Variants in SGO2 observed in about 807,000 individuals in gnomAD.
SGO2 encodes shugoshin-like 2.
A neutral mutation model predicts 99.5 loss-of-function variants in SGO2; 68 were observed. The observed-to-expected ratio is 0.68, with a 90% CI of 0.56 to 0.84. The LOEUF (loss-of-function observed/expected upper bound fraction) is 0.84, where lower values mean the gene tolerates loss of function less well. Ranked by LOEUF, SGO2 falls within the 40% of genes least tolerant of loss-of-function variation. The pLI, the probability that SGO2 is intolerant of heterozygous loss-of-function variation, is 0.00. For synonymous variants in SGO2, 457 were observed against 487.1 expected, an observed-to-expected ratio of 0.94 and a Z score of 0.81; for missense variants, 1,350 against 1,436.7, an observed-to-expected ratio of 0.94 and a Z score of 0.97.
At chr2:200,567,835 A>G (rs954155972) in intron 5 of SGO2, among the ~76,000 whole-genome samples, 3 of 152,226 alleles carry the variant, frequency 2.0e-5, no homozygotes, top group South Asian at 4.1e-4. Context: ...TGGATATACC[A>G]TGTTTTGTTT....
In SGO2 at chr2:200,534,993, C is replaced by T. The variant is rs1226344290; in HGVS notation, c.134-3C>T. ...TTAACTCATTTTAAAAATCTTTTTA[C>T]AGATAATTCTTCTATTTTCAAAATA... is the stretch of plus-strand genomic sequence containing the variant. On this transcript the variant is annotated splice_region_variant and splice_polypyrimidine_tract_variant and intron_variant, in intron 2 of 8. Transcript: ENST00000357799. 1.3e-6 allele frequency: 2 copies of T among 1,512,624 alleles called. No individual in the cohort carries two copies. The highest frequency in any genetic ancestry group is 2.7e-5 in the South Asian group (2 of 75,262). The allele number at this position is 1,512,624 out of a possible 1,614,324, so 93.7% of individuals were successfully genotyped here. A position where few individuals can be genotyped will look rare whatever the true frequency, so the allele number is the denominator to read the frequency against.
In SGO2 at chr2:200,535,021, T is replaced by G; in HGVS notation, c.159T>G (p.Ser53=). The stretch of plus-strand genomic sequence containing the variant: ...ATAATTCTTCTATTTTCAAAATATC[T>G]TTAAAGCACAACAACAGGGCATTAG... ...ILNNSSIFKI[S]LKHNNRALAQ... is the part of the protein sequence containing the mutation. Residue 53 remains serine, a synonymous_variant, in exon 3 of 9, where the codon TCT becomes TCG. Transcript: ENST00000357799. 1 of 1,533,922 alleles carries G rather than the reference T, an allele frequency of 6.5e-7. No homozygotes were observed. The highest frequency in any genetic ancestry group is 8.7e-7 in the Non-Finnish European group (1 of 1,153,042).
rs767983042 is a variant in SGO2 at position 200,535,007 on chromosome 2, A to G, written c.145A>G (p.Ile49Val). 4 of 1,526,876 alleles carry G rather than the reference A, an allele frequency of 2.6e-6. No individual in the cohort carries two copies. Among genetic ancestry groups the G allele is most frequent in the Admixed American group, 2.6e-5 (1 of 37,858 alleles). The allele number at this position is 1,526,876 out of a possible 1,614,324, so 94.6% of individuals were successfully genotyped here. A position where few individuals can be genotyped will look rare whatever the true frequency, so the allele number is the denominator to read the frequency against. Residue 49 changes from isoleucine to valine, a missense_variant, in exon 3 of 9, where the codon ATT becomes GTT. Coordinates refer to ENST00000357799, the MANE Select transcript of SGO2 (RefSeq NM_152524.6). ...AAATCTTTTTACAGATAATTCTTCT[A>G]TTTTCAAAATATCTTTAAAGCACAA... Reference protein sequence around the residue: ...IKTKILNNSSIFKISLKHNNR... With the variant: ...IKTKILNNSSVFKISLKHNNR...
Position 200,526,624 on chromosome 2 carries a change from C to T in SGO2, c.-3+372C>T, listed in dbSNP as rs1021911637. ...GTGTCTGCGGAATGAATGTTAGGGACTGCGTGCCAAAGTTCTCGAAGGAGC... is the reference window on the plus strand; with the variant it reads ...GTGTCTGCGGAATGAATGTTAGGGATTGCGTGCCAAAGTTCTCGAAGGAGC... On this transcript the variant is annotated intron_variant, in intron 1 of 8. Coordinates refer to ENST00000357799, the MANE Select transcript of SGO2 (RefSeq NM_152524.6). This position sits in a 1 kb window ranked among gnomAD's most constrained non-coding sequence, Gnocchi z 4.8. Among the ~76,000 whole-genome samples, 1 of 152,052 alleles carries T rather than the reference C, an allele frequency of 6.6e-6. No homozygotes were observed. The highest frequency in any genetic ancestry group is 1.5e-5 in the Non-Finnish European group (1 of 68,024).
In SGO2 at chr2:200,571,412, T is replaced by C; in HGVS notation, c.1066T>C (p.Leu356=). The C allele has an allele frequency of 6.2e-7, 1 of 1,609,590 alleles. No homozygotes were observed. Among genetic ancestry groups the C allele is most frequent in the African/African-American group, 1.3e-5 (1 of 74,942 alleles). ...AATTGAGGATAATGATGACTTTCAA[T>C]TGCAGAAAACTGTGTATGATGCTGA... The part of the protein sequence containing the change: ...NQIEDNDDFQ[L]QKTVYDADMD... Residue 356 remains leucine, a synonymous_variant, in exon 7 of 9, where the codon TTG becomes CTG. Transcript: ENST00000357799.
chr2:200,546,007 C>G (rs2032192117), intron 5 of SGO2, among the ~76,000 whole-genome samples: 1 of 152,098 alleles, frequency 6.6e-6, no homozygotes, highest in South Asian at 2.1e-4. Context: ...CCCAGGTCCC[C>G]TGGGTGTGAA....
intron 5 of SGO2, among the ~76,000 whole-genome samples, chr2:200,553,647 T>C (rs191262819): frequency 6.6e-6 from 1 of 152,368 alleles, no homozygotes; most frequent in Admixed American, 6.5e-5. Context: ...AGTCTTACAC[T>C]TAGCCTGATT....
intron 1 of SGO2, chr2:200,532,299 T>TC (rs2031443751): frequency 4.6e-6 from 2 of 434,186 alleles, no homozygotes; most frequent in Admixed American, 6.7e-5. Flanking sequence ...TTTTTTTTTT[T>TC]CAGATCTCTT....
chr2:200,562,271 A>G (rs1470414363), intron 5 of SGO2, among the ~76,000 whole-genome samples: 1 of 152,286 alleles, frequency 6.6e-6, no homozygotes, highest in African/African-American at 2.4e-5. Flanking sequence ...AGCTTTCTAC[A>G]TATGGCTAGC....
At chr2:200,563,234 CA>C (rs2106334990) in intron 5 of SGO2, among the ~76,000 whole-genome samples, 1 of 152,256 alleles carries the variant, frequency 6.6e-6, no homozygotes, top group East Asian at 1.9e-4. Flanking sequence ...TACATCCCAT[CA>C]ATACCTAATT....
At chr2:200,544,308 G>A (rs1385711147) in intron 5 of SGO2, among the ~76,000 whole-genome samples, 1 of 152,168 alleles carries the variant, frequency 6.6e-6, no homozygotes, top group Non-Finnish European at 1.5e-5. Context: ...TTGAGACAGA[G>A]TCTTGCTCTG....
At chr2:200,559,595 A>T (rs761049347) in intron 5 of SGO2, among the ~76,000 whole-genome samples, 9 of 151,952 alleles carry the variant, frequency 5.9e-5, no homozygotes, top group Non-Finnish European at 8.8e-5. Flanking sequence ...TGTGTTCCAC[A>T]ATTTTTATTT....
intron 1 of SGO2, chr2:200,532,454 A>G (rs1223822776): frequency 4.1e-6 from 4 of 983,692 alleles, no homozygotes; most frequent in Non-Finnish European, 4.8e-6. Context: ...TCTCCTCTGC[A>G]TTGTGTATTG....
intron 5 of SGO2, among the ~76,000 whole-genome samples, chr2:200,551,246 A>C (rs2032472849): frequency 6.6e-6 from 1 of 152,166 alleles, no homozygotes; most frequent in South Asian, 2.1e-4. Context: ...CCATCAACAG[A>C]TGTGTGGATA....
chr2:200,571,449 C>T lies in SGO2; in HGVS notation c.1103C>T (p.Thr368Ile), dbSNP rs926510673. The T allele has an allele frequency of 6.2e-7, 1 of 1,610,562 alleles. No homozygotes were observed. The highest frequency in any genetic ancestry group is 1.7e-5 in the Admixed American group (1 of 59,428). ...GTGTATGATGCTGACATGGATTTAA[C>T]TGCTAGTGAAGTCAGCAAAATTGTC... The part of the protein sequence containing the change: ...KTVYDADMDL[T>I]ASEVSKIVTV... Residue 368 changes from threonine (T) to isoleucine (I), a missense_variant, in exon 7 of 9, where the codon ACT becomes ATT. Thr to Ile is a moderately conservative substitution (Grantham distance 89, BLOSUM62 -1). Coordinates refer to ENST00000357799, the MANE Select transcript of SGO2 (RefSeq NM_152524.6).
intron 5 of SGO2, among the ~76,000 whole-genome samples, chr2:200,567,142 C>T (rs2033224303): frequency 6.6e-6 from 1 of 152,196 alleles, no homozygotes; most frequent in Non-Finnish European, 1.5e-5. Context: ...ATGCAGAAAT[C>T]ACCCGTCTTC....
intron 5 of SGO2, among the ~76,000 whole-genome samples, chr2:200,552,487 G>A (rs1459976735): frequency 6.6e-6 from 1 of 152,136 alleles, no homozygotes; most frequent in Non-Finnish European, 1.5e-5. Flanking sequence ...AAGCTTACTT[G>A]TAGTTATTCC....
At chr2:200,561,375 C>T (rs970304374) in intron 5 of SGO2, among the ~76,000 whole-genome samples, 5 of 152,192 alleles carry the variant, frequency 3.3e-5, no homozygotes, top group African/African-American at 1.2e-4. Context: ...GACATGAACT[C>T]ATCCTTTTTT....
At chr2:200,545,109 C>T (rs373704026) in intron 5 of SGO2, among the ~76,000 whole-genome samples, 3 of 152,108 alleles carry the variant, frequency 2.0e-5, no homozygotes, top group Admixed American at 1.3e-4. Flanking sequence ...TGGGCTCAAG[C>T]GATCCTCTCT....
Sources: allele counts gnomAD v4.1 joint callset (sites outside exome capture counted in the v4.1 genomes callset), GRCh38; gene constraint gnomAD v4.1.1; non-coding constraint Gnocchi (gnomAD v3.1); transcripts MANE v1.5; gene names NCBI Gene and HGNC (gene_info 2026-07-23, HGNC 2026-07-21).